CDC14B: variants seen among roughly 807,000 people sequenced by gnomAD.
The protein encoded by CDC14B is cell division cycle 14B, also known as dual specificity protein phosphatase CDC14B.
A neutral mutation model predicts 64.2 loss-of-function variants in CDC14B; 22 were observed. The ratio of observed to expected loss-of-function variants is 0.34; its 90% CI spans 0.24 to 0.49. CDC14B has a LOEUF of 0.49. CDC14B is among the 20% of genes least tolerant of loss of function. The pLI, the probability that CDC14B is intolerant of heterozygous loss-of-function variation, is 0.99. For synonymous variants in CDC14B, 191 were observed against 215.8 expected, an observed-to-expected ratio of 0.89 and a Z score of 1.01; for missense variants, 498 against 629.9, an observed-to-expected ratio of 0.79 and a Z score of 2.24.
chr9:96,547,221 C>G (rs1000244641), intron 5 of CDC14B, among the ~76,000 whole-genome samples: 96 of 151,798 alleles, frequency 6.3e-4, no homozygotes, highest in Non-Finnish European at 1.4e-3. Flanking sequence ...TTCCAGCACT[C>G]TGGGAAGCCG....
chr9:96,530,252 A>C (rs1173774727), intron 9 of CDC14B, among the ~76,000 whole-genome samples: 1 of 150,296 alleles, frequency 6.7e-6, no homozygotes, highest in African/African-American at 2.4e-5. Context: ...TAATTCTAGC[A>C]GGGGCTCTGT....
At position 96,566,871 on chromosome 9, in the gene CDC14B, G is replaced by C. The variant is rs756348206; in HGVS notation, c.161-1388C>G. On this transcript the variant is annotated intron_variant, in intron 1 of 13. Transcript: ENST00000375241. ...AGGCAAGGACTGCCAGCCGCCGAGA[G>C]GGGAGGCGCCGCGACCACACCCCCG... The C allele has an allele frequency of 1.2e-5, 19 of 1,574,058 alleles. No homozygotes were observed. The Admixed American group carries it at 2.2e-4, about 18-fold the overall frequency.
intron 1 of CDC14B, chr9:96,567,152 G>T: frequency 4.7e-6 from 2 of 424,114 alleles, no homozygotes; most frequent in East Asian, 5.1e-5. Flanking sequence ...CTCCTCCAGT[G>T]CCCAAACGCT....
At chr9:96,538,345 A>G (rs1334625189) in intron 7 of CDC14B, among the ~76,000 whole-genome samples, 1 of 152,222 alleles carries the variant, frequency 6.6e-6, no homozygotes, top group Admixed American at 6.5e-5. Context: ...AAGAAGATGA[A>G]GACTTGACTT....
rs59101582 is a variant in CDC14B at position 96,519,730 on chromosome 9, TA to T, written c.1343+2775del. ...CGGCCAACAGAGCAAGACTCTGTCT[TA>T]AAAAAAAAAAAAAAAAAAAAAAGAG... On this transcript the variant is annotated intron_variant, in intron 12 of 13. Transcript: ENST00000375241. 7.7e-3 allele frequency among the ~76,000 whole-genome samples: 858 copies of T among 111,358 alleles called. 4 individuals are homozygous for T. The highest frequency in any genetic ancestry group is 0.033 in the East Asian group (127 of 3,844). The allele number at this position is 111,358 out of a possible 152,430, so 73.1% of individuals were successfully genotyped here. A position where few individuals can be genotyped will look rare whatever the true frequency, so the allele number is the denominator to read the frequency against.
intron 1 of CDC14B, among the ~76,000 whole-genome samples, chr9:96,585,925 A>G (rs1845432549): frequency 1.3e-5 from 2 of 152,360 alleles, no homozygotes; most frequent in East Asian, 3.9e-4. Context: ...AGCAGTAACA[A>G]AGGAATGAAG....
At chr9:96,520,204 A>G in intron 12 of CDC14B, among the ~76,000 whole-genome samples, 1 of 152,214 alleles carries the variant, frequency 6.6e-6, no homozygotes, top group East Asian at 1.9e-4. Context: ...GAGCTTAGAA[A>G]AACTAGCATT....
intron 10 of CDC14B, 61 bp downstream of exon 10, chr9:96,523,526 T>G (rs1837080570): frequency 6.2e-7 from 1 of 1,606,264 alleles, no homozygotes; most frequent in African/African-American, 1.3e-5. Context: ...GAAATTCCAC[T>G]CCCCATCAGA....
intron 1 of CDC14B, among the ~76,000 whole-genome samples, chr9:96,580,251 G>A (rs111737052): frequency 2.7e-5 from 4 of 149,786 alleles, no homozygotes; most frequent in Non-Finnish European, 4.4e-5. Context: ...TTTTTGAGAC[G>A]GAGTTTCGCT....
chr9:96,502,832 G>A lies in CDC14B; in HGVS notation c.*921C>T, dbSNP rs1359441646. ...GAAAAAAAAAATCCAATGTTACAGGGAAGGACTCTAAAAAAGTGGTAACTT... is the reference window on the plus strand; with the variant it reads ...GAAAAAAAAAATCCAATGTTACAGGAAAGGACTCTAAAAAAGTGGTAACTT... On this transcript the variant is annotated 3_prime_UTR_variant, in exon 14 of 14. Transcript: ENST00000375241. 2.5e-6 allele frequency: 1 copy of A among 397,788 alleles called. No homozygotes were observed. Among genetic ancestry groups the A allele is most frequent in the South Asian group, 1.3e-4 (1 of 7,846 alleles). The allele number at this position is 397,788 out of a possible 1,614,324, so 24.6% of individuals were successfully genotyped here. A position where few individuals can be genotyped will look rare whatever the true frequency, so the allele number is the denominator to read the frequency against.
intron 12 of CDC14B, among the ~76,000 whole-genome samples, chr9:96,517,643 C>CAA (rs1016405679): frequency 0.011 from 385 of 34,572 alleles, 24 homozygotes; most frequent in African/African-American, 0.047. Flanking sequence ...GACTCCGTCT[C>CAA]AAAAAAAAAA....
chr9:96,615,256 T>C (rs1847552465), intron 1 of CDC14B, among the ~76,000 whole-genome samples: 1 of 152,160 alleles, frequency 6.6e-6, no homozygotes, highest in South Asian at 2.1e-4. Flanking sequence ...AATGGCTCCG[T>C]GAGAGGTGGA....
At chr9:96,534,579 G>T in intron 7 of CDC14B, 37 bp from the exon 8 acceptor site, 1 of 1,376,022 alleles carries the variant, frequency 7.3e-7, no homozygotes, top group Non-Finnish European at 1.0e-6. Flanking sequence ...GTTTTTAAAT[G>T]TATTCTCCCC....
intron 1 of CDC14B, among the ~76,000 whole-genome samples, chr9:96,586,653 C>T (rs1845467202): frequency 6.6e-6 from 1 of 152,024 alleles, no homozygotes; most frequent in African/African-American, 2.4e-5. Flanking sequence ...TCAGGATGGG[C>T]TCAAGCAATC....
Position 96,515,887 on chromosome 9 carries a change from A to G in CDC14B, c.1344-6098T>C. On this transcript the variant is annotated intron_variant, in intron 12 of 13. Transcript: ENST00000375241. The surrounding 1 kb of genome is among the most constrained non-coding windows in gnomAD (Gnocchi z 4.3). ...ATCAATCAAGCCATATGTGAATTTTAGACACCCTAAAAGCCCAGCCAACAG... is the reference window on the plus strand; with the variant it reads ...ATCAATCAAGCCATATGTGAATTTTGGACACCCTAAAAGCCCAGCCAACAG... 1 of 1,233,128 alleles carries G rather than the reference A, an allele frequency of 8.1e-7. No individual in the cohort carries two copies. The highest frequency in any genetic ancestry group is 1.1e-6 in the Non-Finnish European group (1 of 902,520). 76.4% of individuals were successfully genotyped at this position (1,233,128 alleles called of 1,614,324 possible). A position where few individuals can be genotyped will look rare whatever the true frequency, so the allele number is the denominator to read the frequency against.
At chr9:96,520,680 GA>G (rs1169101694) in intron 12 of CDC14B, among the ~76,000 whole-genome samples, 1 of 152,114 alleles carries the variant, frequency 6.6e-6, no homozygotes, top group African/African-American at 2.4e-5. Flanking sequence ...TGCTGATTCT[GA>G]AAAACAAAAC....
rs77994964 is a variant in CDC14B at position 96,597,927 on chromosome 9, G to T, written c.160+21292C>A. On this transcript the variant is annotated intron_variant, in intron 1 of 13. Transcript: ENST00000375241. ...CATAAAGGCTAGGATGGGAGAAATG[G>T]AAGAAAACATAGAGGAACTCCTTAA... Among the ~76,000 whole-genome samples the T allele has an allele frequency of 6.6e-3, 1,012 of 152,266 alleles. 16 individuals are homozygous for T. The highest frequency in any genetic ancestry group is 0.023 in the African/African-American group (957 of 41,566).
At chr9:96,546,927 T>C (rs988450826) in intron 5 of CDC14B, among the ~76,000 whole-genome samples, 4 of 151,840 alleles carry the variant, frequency 2.6e-5, no homozygotes, top group African/African-American at 9.7e-5. Flanking sequence ...CTGGGCGTGG[T>C]GGCAGGCGCC....
At chr9:96,589,976 G>C (rs536253347) in intron 1 of CDC14B, among the ~76,000 whole-genome samples, 2 of 150,704 alleles carry the variant, frequency 1.3e-5, no homozygotes, top group Non-Finnish European at 3.0e-5. Flanking sequence ...AAAAAAAAAA[G>C]TTTTTAAATT....
Sources: gnomAD v4.1 joint callset for allele counts (sites outside exome capture counted in the v4.1 genomes callset) on GRCh38, gnomAD v4.1.1 for gene constraint, Gnocchi (gnomAD v3.1) non-coding constraint, MANE v1.5 for transcripts, NCBI Gene and HGNC (gene_info 2026-07-23, HGNC 2026-07-21) for gene names.